The following REV1 variants were observed in gnomAD, a reference collection of about 807,000 sequenced individuals.
The protein encoded by REV1 is translesion synthesis protein REV1.
Under a neutral mutation model 137.4 loss-of-function variants are expected in REV1, and 42 were observed. The observed-to-expected ratio is 0.31, with a 90% CI of 0.24 to 0.40. REV1 has a LOEUF of 0.40. Among genes scored for constraint, REV1 ranks in the 10% least tolerant of loss-of-function variants. The pLI is 1.00. For missense variants in REV1, 1,282 were observed against 1,490.1 expected, an observed-to-expected ratio of 0.86 and a Z score of 2.30; for synonymous variants, 524 against 519.2, an observed-to-expected ratio of 1.01 and a Z score of -0.12.
At chr2:99,489,496 C>T (rs899056094) in intron 1 of REV1, among the ~76,000 whole-genome samples, 1 of 135,372 alleles carries the variant, frequency 7.4e-6, no homozygotes, top group African/African-American at 2.8e-5. Flanking sequence ...GAGGGAAGGG[C>T]CGCTGCGCCA....
intron 12 of REV1, among the ~76,000 whole-genome samples, chr2:99,414,925 A>T (rs1404273348): frequency 6.6e-6 from 1 of 152,228 alleles, no homozygotes; most frequent in African/African-American, 2.4e-5. Context: ...CAAATTATGC[A>T]CTACAGGTGC....
In REV1 at chr2:99,401,227, C is replaced by A; in HGVS notation, c.*14G>T. ...GGCACAGCTATCAGAGAGCATCAGG[C>A]TCTCTGGTAATATTTATGTAACTTT... On this transcript the variant is annotated 3_prime_UTR_variant, in exon 23 of 23. Transcript: ENST00000258428. 6.6e-7 allele frequency: 1 copy of A among 1,515,308 alleles called. No individual in the cohort carries two copies. The allele number at this position is 1,515,308 out of a possible 1,614,324, so 93.9% of individuals were successfully genotyped here. A position where few individuals can be genotyped will look rare whatever the true frequency, so the allele number is the denominator to read the frequency against.
rs905255075 is a variant in REV1, at chr2:99,418,893, T to A, written c.1886A>T (p.Gln629Leu). The change falls in exon 12 of 23, where the codon CAG (glutamine) becomes CTG (leucine). Residue 629 changes from glutamine to leucine, a missense_variant. Physicochemically the swap from Gln to Leu is moderately radical, Grantham distance 113. Around this residue, in one of 7 missense-constraint regions of REV1, gnomAD observed 372 missense variants for 482.3 expected, o/e 0.77. Transcript: ENST00000258428. ...MATRKAKPDG[Q>L]YHLKPEEVDD... is the part of the protein sequence containing the mutation. ...TACTTCTTCTGGTTTTAGGTGGTAC[T>A]GCCCATCTGGTTTTGCTTTTCTAGT... 1.9e-6 allele frequency: 3 copies of A among 1,612,746 alleles called. No individual in the cohort carries two copies. Among genetic ancestry groups the A allele is most frequent in the Non-Finnish European group, 2.5e-6 (3 of 1,178,812 alleles).
Position 99,489,509 on chromosome 2 carries a change from G to A in REV1, c.-11+308C>T, listed in dbSNP as rs1253625462. On this transcript the variant is annotated intron_variant, in intron 1 of 22. Transcript: ENST00000258428. ...CGGAGGGAAGGGCCGCTGCGCCAGG[G>A]GTCGGCGCGGGGCGGCCCATGGGGC... Among the ~76,000 whole-genome samples, 5 of 41,110 alleles carry A rather than the reference G, an allele frequency of 1.2e-4. No individual in the cohort carries two copies. The South Asian group carries it at 4.5e-3, about 37-fold the overall frequency. 27.0% of individuals were successfully genotyped at this position (41,110 alleles called of 152,430 possible). A position where few individuals can be genotyped will look rare whatever the true frequency, so the allele number is the denominator to read the frequency against.
chr2:99,442,317 AC>A lies in REV1; in HGVS notation c.502del (p.Val168Ter). On this transcript the variant is annotated frameshift_variant and splice_region_variant, in exon 5 of 23. Transcript: ENST00000258428. LOFTEE classifies it high-confidence loss of function. ...SNIAKQLNNRVNHIVKKIETE... is the reference protein window; with the variant it reads ...SNIAKQLNNRXNHIVKKIETE... ...GTAATCCCCAACTAGACAAACTTAC[AC>A]CCTGTTGTTGAGCTGTTTGGCTATA... 6.2e-7 allele frequency: 1 copy of A among 1,607,756 alleles called. No individual in the cohort carries two copies. Among genetic ancestry groups the A allele is most frequent in the Non-Finnish European group, 8.5e-7 (1 of 1,177,688 alleles).
intron 1 of REV1, among the ~76,000 whole-genome samples, chr2:99,471,709 A>C (rs1455298807): frequency 6.6e-6 from 1 of 152,058 alleles, no homozygotes; most frequent in Non-Finnish European, 1.5e-5. Context: ...ATAAACTGTA[A>C]TAATAAACAC....
chr2:99,476,137 C>T (rs1186357340), intron 1 of REV1, among the ~76,000 whole-genome samples: 2 of 152,244 alleles, frequency 1.3e-5, no homozygotes, highest in East Asian at 3.9e-4. Context: ...ACAGATGTGG[C>T]TGTGCAGTAA....
At position 99,404,478 on chromosome 2, in the gene REV1, C is replaced by T. The variant is rs550394464; in HGVS notation, c.3011G>A (p.Gly1004Glu). 3.7e-6 allele frequency: 6 copies of T among 1,614,014 alleles called. No individual in the cohort carries two copies. Among genetic ancestry groups the T allele is most frequent in the South Asian group, 3.3e-5 (3 of 91,034 alleles). Reference sequence around the variant, plus strand: ...TGCTGGAAGGGCTATTAAATTTATTCCTGCGTCACTGTTCGATTCTTGAGG... The same window carrying T: ...TGCTGGAAGGGCTATTAAATTTATTTCTGCGTCACTGTTCGATTCTTGAGG... The part of the protein sequence containing the change: ...PEPQESNSDA[G>E]INLIALPAFS... The change falls in exon 18 of 23, where the codon GGA becomes GAA. Residue 1004 changes from glycine to glutamate, a missense_variant. Physicochemically the swap from Gly to Glu is moderately conservative, Grantham distance 98 (BLOSUM62 -2). Transcript: ENST00000258428.
intron 8 of REV1, 31 bp downstream of exon 8, chr2:99,434,301 C>G (rs1252958630): frequency 7.0e-7 from 1 of 1,429,322 alleles, no homozygotes; most frequent in Admixed American, 1.9e-5. Flanking sequence ...TCCACAGGAG[C>G]ACTAAGACTT....
chr2:99,478,172 G>A (rs1313208566), intron 1 of REV1, among the ~76,000 whole-genome samples: 1 of 152,140 alleles, frequency 6.6e-6, no homozygotes, highest in Non-Finnish European at 1.5e-5. Flanking sequence ...GGAGGCAGAG[G>A]TTGTAGTGAA....
At position 99,403,020 on chromosome 2, in the gene REV1, T is replaced by G. The variant is rs773144890; in HGVS notation, c.3253A>C (p.Arg1085=). 5 of 1,613,988 alleles carry G rather than the reference T, an allele frequency of 3.1e-6. No individual in the cohort carries two copies. Among genetic ancestry groups the G allele is most frequent in the South Asian group, 2.2e-5 (2 of 91,076 alleles). ...KKKKTIGSPK[R]IQSPLNNKLL... is the part of the protein sequence containing the mutation. Reference sequence around the variant, plus strand: ...TTGTTATTCAAAGGACTCTGAATCCTTTTTGGTGAACCAATGGTTTTTTTC... The same window carrying G: ...TTGTTATTCAAAGGACTCTGAATCCGTTTTGGTGAACCAATGGTTTTTTTC... Residue 1085 remains arginine, a synonymous_variant, in exon 20 of 23, where the codon AGG becomes CGG. Coordinates refer to ENST00000258428, the MANE Select transcript of REV1 (RefSeq NM_016316.4).
chr2:99,479,214 G>A (rs1162436622), intron 1 of REV1, among the ~76,000 whole-genome samples: 1 of 151,064 alleles, frequency 6.6e-6, no homozygotes, highest in African/African-American at 2.4e-5. Flanking sequence ...TGTAGTCCCA[G>A]CTACTTGGGG....
chr2:99,415,373 T>C (rs1255445389), intron 12 of REV1, among the ~76,000 whole-genome samples: 2 of 152,182 alleles, frequency 1.3e-5, no homozygotes, highest in Non-Finnish European at 2.9e-5. Flanking sequence ...GACAAAGACT[T>C]GGCATCTGTC....
intron 1 of REV1, among the ~76,000 whole-genome samples, chr2:99,472,497 C>G (rs1439911617): frequency 6.6e-6 from 1 of 152,082 alleles, no homozygotes; most frequent in Non-Finnish European, 1.5e-5. Context: ...TGTGACTGAA[C>G]AGTTAAAATG....
At chr2:99,458,529 C>G (rs903446023) in intron 3 of REV1, among the ~76,000 whole-genome samples, 2 of 152,146 alleles carry the variant, frequency 1.3e-5, no homozygotes, top group Admixed American at 6.5e-5. Flanking sequence ...TTGGCAGTTT[C>G]TTACAAAAAC....
intron 3 of REV1, among the ~76,000 whole-genome samples, chr2:99,457,185 T>C (rs539756636): frequency 3.3e-4 from 51 of 152,328 alleles, no homozygotes; most frequent in African/African-American, 1.1e-3. Flanking sequence ...GCTATCTCTT[T>C]TCAAACATAG....
chr2:99,437,755 T>C (rs796615833), intron 6 of REV1, among the ~76,000 whole-genome samples: 1 of 152,158 alleles, frequency 6.6e-6, no homozygotes. Context: ...CAAGACATGA[T>C]GTAAGGATAA....
intron 2 of REV1, among the ~76,000 whole-genome samples, chr2:99,463,349 G>C (rs891766613): frequency 1.3e-5 from 2 of 151,520 alleles, no homozygotes; most frequent in Admixed American, 1.3e-4. Context: ...GTGAAACCTC[G>C]TCTCTACTAA....
At chr2:99,479,809 A>C (rs1001251952) in intron 1 of REV1, among the ~76,000 whole-genome samples, 8 of 151,570 alleles carry the variant, frequency 5.3e-5, no homozygotes, top group African/African-American at 1.9e-4. Context: ...ATAATACAAG[A>C]TCCTGCATTA....
Sources: allele counts gnomAD v4.1 joint callset (sites outside exome capture counted in the v4.1 genomes callset), GRCh38; gene constraint gnomAD v4.1.1; regional missense constraint gnomAD v4.1.1; transcripts MANE v1.5; gene names NCBI Gene and HGNC (gene_info 2026-07-23, HGNC 2026-07-21).